The following MAF variants were observed in gnomAD, a reference collection of about 807,000 sequenced individuals.
MAF encodes the protein MAF bZIP transcription factor.
MAF carries 10 observed loss-of-function variants against 22.0 expected under a neutral mutation model. That is an observed-to-expected ratio of 0.45 (90% CI 0.28 to 0.77). The LOEUF is 0.77. Among genes scored for constraint, MAF ranks in the 30% least tolerant of loss-of-function variants. The pLI, the probability that MAF is intolerant of heterozygous loss-of-function variation, is 0.12. For synonymous variants in MAF, 337 were observed against 255.8 expected (o/e 1.32, Z -3.03); for missense variants, 544 against 548.4 (o/e 0.99, Z 0.08).
chr16:79,208,425 G>A, the MAF span, among the ~76,000 whole-genome samples: 2 of 151,966 alleles, frequency 1.3e-5, no homozygotes, highest in Non-Finnish European at 2.9e-5. Context: ...TCCAGCCAGT[G>A]TTTGTATGTC....
At chr16:79,459,975 G>C in the MAF span, among the ~76,000 whole-genome samples, 7 of 152,050 alleles carry the variant, frequency 4.6e-5, no homozygotes, top group African/African-American at 1.4e-4. Context: ...TGGGTCAGTG[G>C]GTATGTGCAT....
chr16:79,202,855 G>T, the MAF span: 1 of 152,148 alleles, frequency 6.6e-6, no homozygotes, highest in Non-Finnish European at 1.5e-5. Context: ...CAGCCTAATT[G>T]TATTTCCTAA....
chr16:79,406,888 G>C, the MAF span, among the ~76,000 whole-genome samples: 5 of 152,110 alleles, frequency 3.3e-5, no homozygotes, highest in Non-Finnish European at 7.4e-5. Flanking sequence ...GATGAGACTT[G>C]CCCCACATCC....
At chr16:79,561,001 C>G in the MAF span, among the ~76,000 whole-genome samples, 2 of 152,204 alleles carry the variant, frequency 1.3e-5, no homozygotes, top group Non-Finnish European at 2.9e-5. Flanking sequence ...ACTCTGCTAC[C>G]TCAATGCTGT....
chr16:79,555,671 C>T, the MAF span, among the ~76,000 whole-genome samples: 1 of 152,148 alleles, frequency 6.6e-6, no homozygotes, highest in Non-Finnish European at 1.5e-5. Flanking sequence ...CTCATTGGAG[C>T]ATTTCAGATT....
chr16:79,326,648 T>C, the MAF span, among the ~76,000 whole-genome samples: 107,301 of 151,842 alleles, frequency 0.71, 38,143 homozygotes, highest in South Asian at 0.81. Flanking sequence ...ACGGTTTCTG[T>C]TGCAACTGTT....
chr16:79,542,334 G>A, the MAF span, among the ~76,000 whole-genome samples: 1 of 152,152 alleles, frequency 6.6e-6, no homozygotes, highest in African/African-American at 2.4e-5. Context: ...GTGTCCCCAA[G>A]GCCCCCCTGG....
At chr16:79,553,501 C>A in the MAF span, among the ~76,000 whole-genome samples, 2 of 152,204 alleles carry the variant, frequency 1.3e-5, no homozygotes, top group Non-Finnish European at 2.9e-5. Context: ...TCAGAAAGCA[C>A]CTTTGTCAAA....
chr16:79,519,665 G>A, the MAF span, among the ~76,000 whole-genome samples: 115 of 152,330 alleles, frequency 7.5e-4, no homozygotes, highest in Admixed American at 3.3e-3. Flanking sequence ...CAAGCCAGGC[G>A]ACACTGCTCT....
At chr16:79,438,488 G>A in the MAF span, among the ~76,000 whole-genome samples, 1 of 152,214 alleles carries the variant, frequency 6.6e-6, no homozygotes, top group Non-Finnish European at 1.5e-5. Flanking sequence ...ATTATGTAAG[G>A]AACGGGGCAG....
the MAF span, among the ~76,000 whole-genome samples, chr16:79,355,608 G>C: frequency 1.3e-5 from 2 of 152,208 alleles, no homozygotes; most frequent in Admixed American, 1.3e-4. Flanking sequence ...TGAGAGTTAT[G>C]TGAGAATAAG....
chr16:79,390,530 T>A, the MAF span, among the ~76,000 whole-genome samples: 1 of 152,238 alleles, frequency 6.6e-6, no homozygotes, highest in East Asian at 1.9e-4. Flanking sequence ...ATGTGAGTTA[T>A]CTTTTTACAA....
At chr16:79,313,329 C>T in the MAF span, among the ~76,000 whole-genome samples, 3 of 152,066 alleles carry the variant, frequency 2.0e-5, no homozygotes, top group African/African-American at 7.2e-5. Context: ...CACACAGGAG[C>T]ACAAGGGCTT....
At chr16:79,565,086 G>A in the MAF span, among the ~76,000 whole-genome samples, 1 of 152,100 alleles carries the variant, frequency 6.6e-6, no homozygotes, top group Non-Finnish European at 1.5e-5. Context: ...CCTACCCTTG[G>A]ACTTCTTACG....
intron 1 of MAF, chr16:79,598,002 G>A (rs967161332): frequency 9.7e-7 from 1 of 1,030,778 alleles, no homozygotes; most frequent in African/African-American, 1.7e-5. Context: ...AGGCTTGATT[G>A]TGGAAGGTTC....
the MAF span, among the ~76,000 whole-genome samples, chr16:79,383,409 TA>T: frequency 7.3e-5 from 11 of 151,198 alleles, no homozygotes; most frequent in African/African-American, 2.4e-4. Context: ...TGTCTTGGTT[TA>T]AAAAAAAATG....
At chr16:79,313,326 G>C in the MAF span, among the ~76,000 whole-genome samples, 7 of 152,124 alleles carry the variant, frequency 4.6e-5, no homozygotes, top group Non-Finnish European at 8.8e-5. Flanking sequence ...CGGCACACAG[G>C]AGCACAAGGG....
the MAF span, among the ~76,000 whole-genome samples, chr16:79,303,124 G>C: frequency 6.6e-6 from 1 of 152,180 alleles, no homozygotes; most frequent in Non-Finnish European, 1.5e-5. Flanking sequence ...TTGGGAGAGA[G>C]GGGGTGGGAG....
the MAF span, among the ~76,000 whole-genome samples, chr16:79,324,405 G>A: frequency 2.6e-5 from 4 of 152,136 alleles, no homozygotes; most frequent in African/African-American, 7.2e-5. Context: ...ACGAAGCGCT[G>A]ACTTTCATTA....
Sources: gnomAD v4.1 joint callset for allele counts (sites outside exome capture counted in the v4.1 genomes callset) on GRCh38, gnomAD v4.1.1 for gene constraint, MANE v1.5 for transcripts, NCBI Gene and HGNC (gene_info 2026-07-23, HGNC 2026-07-21) for gene names.